Variants in FAM13A observed in about 807,000 individuals in gnomAD.
FAM13A encodes family with sequence similarity 13 member A.
FAM13A carries 76 observed loss-of-function variants against 129.6 expected under a neutral mutation model. The observed-to-expected ratio is 0.59, with a 90% confidence interval of 0.49 to 0.71. FAM13A has a LOEUF of 0.71. Among genes scored for constraint, FAM13A ranks in the 30% least tolerant of loss-of-function variants. The probability of loss-of-function intolerance (pLI) is 0.00; values close to 1 mark genes in which losing one functional copy is unlikely to be tolerated. For missense variants in FAM13A, 1,108 were observed against 1,249.3 expected, an observed-to-expected ratio of 0.89 and a Z score of 1.70; for synonymous variants, 443 against 449.9, an observed-to-expected ratio of 0.98 and a Z score of 0.20.
At chr4:88,964,523 ATT>A (rs952724074) in intron 4 of FAM13A, among the ~76,000 whole-genome samples, 1 of 145,874 alleles carries the variant, frequency 6.9e-6, no homozygotes. Flanking sequence ...TTTTCTGGAA[ATT>A]TTTTTTTTTT....
rs371895284 is a variant in FAM13A, at chr4:88,958,454, T to C, written c.606-20213A>G. ...GCCACTGCAGCTCCAGCTCCAGCCA[T>C]AGCTCAAAGGAGCCCAGGTATAGCT... On this transcript the variant is annotated intron_variant, in intron 4 of 23. Coordinates refer to ENST00000264344, the MANE Select transcript of FAM13A (RefSeq NM_014883.4). 5.9e-5 allele frequency among the ~76,000 whole-genome samples: 9 copies of C among 152,318 alleles called. No homozygotes were observed. The East Asian group carries it at 7.7e-4, about 13-fold the overall frequency.
Position 89,011,393 on chromosome 4 carries a change from A to T in FAM13A, c.427+9067T>A, listed in dbSNP as rs75825425. On this transcript the variant is annotated intron_variant, in intron 3 of 23. Transcript: ENST00000264344. ...GTATATATTTACAACAATTTAAAAA[A>T]TTTTCATTGTCCACTATTTATCTGA... Among the ~76,000 whole-genome samples the T allele has an allele frequency of 0.02, 3,095 of 152,214 alleles. 266 individuals are homozygous for T. The East Asian group carries it at 0.26, about 13-fold the overall frequency.
intron 8 of FAM13A, among the ~76,000 whole-genome samples, 179 bp downstream of exon 8, chr4:88,804,832 T>TA (rs552363276): frequency 4.0e-5 from 6 of 150,872 alleles, no homozygotes; most frequent in Admixed American, 6.6e-5. Context: ...ATCAGACATT[T>TA]AAAAAAAAAA....
At chr4:88,992,275 T>A (rs1303051579) in intron 3 of FAM13A, among the ~76,000 whole-genome samples, 2 of 14,040 alleles carry the variant, frequency 1.4e-4, no homozygotes, top group Non-Finnish European at 2.7e-4. Context: ...TTCTTCTTCT[T>A]TTTTTTTTTT....
Position 88,749,858 on chromosome 4 carries a change from T to C in FAM13A, c.1992A>G (p.Thr664=), listed in dbSNP as rs1292885573. 1.2e-6 allele frequency: 2 copies of C among 1,613,914 alleles called. No homozygotes were observed. The highest frequency in any genetic ancestry group is 2.2e-5 in the East Asian group (1 of 44,892). ...GSYDDEQEDL[T]PAQLTRRIQS... Reference sequence around the variant, plus strand: ...GAATCCTTCGTGTGAGCTGGGCAGGTGTCAGGTCCTCTTGCTCATCATCAT... The same window carrying C: ...GAATCCTTCGTGTGAGCTGGGCAGGCGTCAGGTCCTCTTGCTCATCATCAT... The change falls in exon 16 of 24, where the codon ACA becomes ACG. Residue 664 remains threonine (T), a synonymous_variant. Transcript: ENST00000264344.
At chr4:88,800,647 T>C in intron 8 of FAM13A, among the ~76,000 whole-genome samples, 1 of 132,628 alleles carries the variant, frequency 7.5e-6, no homozygotes, top group Non-Finnish European at 1.5e-5. Context: ...ATTGTGCCAC[T>C]ACACTCCAGC....
At chr4:88,963,639 A>T (rs1233142349) in intron 4 of FAM13A, among the ~76,000 whole-genome samples, 3 of 152,226 alleles carry the variant, frequency 2.0e-5, no homozygotes, top group African/African-American at 7.2e-5. Flanking sequence ...ATACCTCTAT[A>T]GAATGGCTGC....
At chr4:89,010,826 T>G (rs1026232858) in intron 3 of FAM13A, among the ~76,000 whole-genome samples, 3 of 152,042 alleles carry the variant, frequency 2.0e-5, no homozygotes, top group African/African-American at 7.2e-5. Context: ...TCTCAAAACC[T>G]CTGACTTTTC....
chr4:88,822,824 T>A lies in FAM13A; in HGVS notation c.1008-17772A>T, dbSNP rs192092998. 4.9e-5 allele frequency: 52 copies of A among 1,051,806 alleles called. 1 individual carries two copies. The African/African-American group carries it at 8.3e-4, about 17-fold the overall frequency. 65.2% of individuals were successfully genotyped at this position (1,051,806 alleles called of 1,614,324 possible). A position where few individuals can be genotyped will look rare whatever the true frequency, so the allele number is the denominator to read the frequency against. The stretch of plus-strand genomic sequence containing the variant: ...AGTAAAAGAGCAGTATAATATTTAA[T>A]TTTTTCTGTTCTTAGGGAGGAACCA... On this transcript the variant is annotated intron_variant, in intron 7 of 23. Transcript: ENST00000264344.
chr4:88,949,578 T>A (rs1756592537), intron 4 of FAM13A, among the ~76,000 whole-genome samples: 1 of 152,220 alleles, frequency 6.6e-6, no homozygotes, highest in African/African-American at 2.4e-5. Context: ...CTATATTCCT[T>A]AATATGTTAT....
intron 5 of FAM13A, among the ~76,000 whole-genome samples, chr4:88,909,736 T>C (rs528328555): frequency 6.6e-6 from 1 of 152,252 alleles, no homozygotes; most frequent in East Asian, 1.9e-4. Flanking sequence ...CCGCCCACCC[T>C]GGCCTCCCAA....
At chr4:88,852,463 T>TAAA (rs1280401820) in intron 6 of FAM13A, among the ~76,000 whole-genome samples, 1 of 152,062 alleles carries the variant, frequency 6.6e-6, no homozygotes, top group East Asian at 1.9e-4. Context: ...CGCCTGGACT[T>TAAA]AACTTCAGGT....
In FAM13A at chr4:88,821,170, C is replaced by T. The variant is rs1000390877; in HGVS notation, c.1008-16118G>A. ...CACAAATGCTTAAATTCACAAGGCA[C>T]GCTTAACAAAGACAACCGCACAAAC... is the stretch of plus-strand genomic sequence containing the variant. On this transcript the variant is annotated intron_variant, in intron 7 of 23. Coordinates refer to ENST00000264344, the MANE Select transcript of FAM13A (RefSeq NM_014883.4). Among the ~76,000 whole-genome samples, 7 of 152,280 alleles carry T rather than the reference C, an allele frequency of 4.6e-5. No individual in the cohort carries two copies. The East Asian group carries it at 1.2e-3, about 25-fold the overall frequency.
intron 4 of FAM13A, among the ~76,000 whole-genome samples, chr4:88,975,419 G>A (rs1760756981): frequency 6.6e-6 from 1 of 152,084 alleles, no homozygotes; most frequent in African/African-American, 2.4e-5. Context: ...TAATAAACAT[G>A]CCTCAATATA....
intron 6 of FAM13A, among the ~76,000 whole-genome samples, chr4:88,885,198 G>A (rs1337856505): frequency 6.6e-6 from 1 of 151,898 alleles, no homozygotes; most frequent in Non-Finnish European, 1.5e-5. Flanking sequence ...GAGCCTGAAT[G>A]GCCAATCCAA....
At chr4:88,776,324 C>G (rs1481606979) in intron 11 of FAM13A, among the ~76,000 whole-genome samples, 3 of 152,110 alleles carry the variant, frequency 2.0e-5, no homozygotes, top group Non-Finnish European at 2.9e-5. Flanking sequence ...AAGGGCGGTA[C>G]AGTGGAATCC....
At chr4:88,853,892 T>A (rs2149999214) in intron 6 of FAM13A, among the ~76,000 whole-genome samples, 1 of 152,290 alleles carries the variant, frequency 6.6e-6, no homozygotes, top group South Asian at 2.1e-4. Context: ...GCTGGATGCT[T>A]CCTGCCCTTG....
intron 1 of FAM13A, among the ~76,000 whole-genome samples, chr4:89,052,123 C>T (rs191944752): frequency 1.6e-3 from 236 of 152,178 alleles, no homozygotes; most frequent in African/African-American, 5.5e-3. Flanking sequence ...AAGTTTGCTG[C>T]CTGTACCCTT....
intron 7 of FAM13A, among the ~76,000 whole-genome samples, chr4:88,812,518 T>C (rs184668525): frequency 1.5e-4 from 23 of 152,308 alleles, no homozygotes; most frequent in South Asian, 8.3e-4. Context: ...CATTTGTACA[T>C]GTTGTTCTTT....
Sources: allele counts gnomAD v4.1 joint callset (sites outside exome capture counted in the v4.1 genomes callset), GRCh38; gene constraint gnomAD v4.1.1; transcripts MANE v1.5; gene names NCBI Gene and HGNC (gene_info 2026-07-23, HGNC 2026-07-21).